The following LAMA2 variants were observed in gnomAD, a reference collection of about 807,000 sequenced individuals.
The protein encoded by LAMA2 is laminin subunit alpha-2.
Under a neutral mutation model 364.8 loss-of-function variants are expected in LAMA2, and 269 were observed. The ratio of observed to expected loss-of-function variants is 0.74; its 90% CI spans 0.67 to 0.82. The LOEUF (loss-of-function observed/expected upper bound fraction) is 0.82, where lower values mean the gene tolerates loss of function less well. Among genes scored for constraint, LAMA2 ranks in the 40% least tolerant of loss-of-function variants. The pLI is 0.00. For missense variants in LAMA2, 3,807 were observed against 3,873.2 expected (o/e 0.98, Z 0.45); for synonymous variants, 1,379 against 1,370.6 (o/e 1.01, Z -0.14).
rs186988787 is a variant in LAMA2, at chr6:129,197,683, A to T, written c.1782+4830A>T. ...TTAACCTTGCCAAATAAACCTCTAA[A>T]TTGATTGAGACCTGTTTCTGATACT... On this transcript the variant is annotated intron_variant, in intron 12 of 64. Transcript: ENST00000421865. 7.9e-5 allele frequency among the ~76,000 whole-genome samples: 12 copies of T among 152,304 alleles called. No homozygotes were observed. In the East Asian group the frequency reaches 2.1e-3, roughly 27 times the overall value.
intron 1 of LAMA2, among the ~76,000 whole-genome samples, chr6:129,024,477 A>G (rs992704335): frequency 7.5e-5 from 11 of 147,366 alleles, no homozygotes; most frequent in African/African-American, 2.8e-4. Context: ...TCTGCCTCCC[A>G]GGTTAAAACA....
chr6:129,432,371 C>T (rs913283489), intron 41 of LAMA2, among the ~76,000 whole-genome samples: 33 of 152,250 alleles, frequency 2.2e-4, no homozygotes, highest in African/African-American at 6.3e-4. Flanking sequence ...TCCCTAAGAG[C>T]GAGACGTAGC....
intron 16 of LAMA2, among the ~76,000 whole-genome samples, chr6:129,270,316 C>T (rs111494670): frequency 8.1e-4 from 101 of 124,400 alleles, no homozygotes; most frequent in African/African-American, 2.7e-3. Flanking sequence ...CACACACACA[C>T]GCAATATCAT....
intron 17 of LAMA2, among the ~76,000 whole-genome samples, chr6:129,271,504 C>G (rs370952290): frequency 7.8e-6 from 1 of 127,874 alleles, no homozygotes; most frequent in South Asian, 2.5e-4. Flanking sequence ...GAGTCTCGCT[C>G]TGTTGCCCAG....
rs1789398983 is a variant in LAMA2 at position 129,288,018 on chromosome 6, T to A, written c.2709T>A (p.Asp903Glu). The A allele has an allele frequency of 6.2e-7, 1 of 1,613,960 alleles. No homozygotes were observed. The highest frequency in any genetic ancestry group is 1.3e-5 in the African/African-American group (1 of 74,912). Residue 903 changes from aspartate to glutamate, a missense_variant, in exon 19 of 65, where the codon GAT becomes GAA. Physicochemically the swap from Asp to Glu is conservative, Grantham distance 45. Transcript: ENST00000421865. ...TTGRYCELCADGYFGDAVDAK... is the reference protein window; with the variant it reads ...TTGRYCELCAEGYFGDAVDAK... ...GCCGGTACTGTGAGCTCTGTGCTGATGGATATTTTGGAGATGCAGTTGATG... is the reference window on the plus strand; with the variant it reads ...GCCGGTACTGTGAGCTCTGTGCTGAAGGATATTTTGGAGATGCAGTTGATG...
At chr6:129,058,274 TTGGCA>T (rs1788624845) in intron 2 of LAMA2, among the ~76,000 whole-genome samples, 1 of 152,234 alleles carries the variant, frequency 6.6e-6, no homozygotes. Flanking sequence ...CAATGAGGGC[TTGGCA>T]GCCCAGGAGT....
intron 12 of LAMA2, among the ~76,000 whole-genome samples, chr6:129,241,151 T>C (rs1477001971): frequency 6.6e-6 from 1 of 152,238 alleles, no homozygotes; most frequent in Non-Finnish European, 1.5e-5. Context: ...ATCCCAGTTT[T>C]TTATGCCTTC....
Position 129,264,388 on chromosome 6 carries a change from G to T in LAMA2, c.2209-2718G>T, listed in dbSNP as rs374930676. ...GCTGAGGAATAGTTGGTGTGTGTGGGGGGGTGGGGGCATGGAATCCATAGT... is the reference window on the plus strand; with the variant it reads ...GCTGAGGAATAGTTGGTGTGTGTGGTGGGGTGGGGGCATGGAATCCATAGT... On this transcript the variant is annotated intron_variant, in intron 15 of 64. Coordinates refer to ENST00000421865, the MANE Select transcript of LAMA2 (RefSeq NM_000426.4). Among the ~76,000 whole-genome samples the T allele has an allele frequency of 2.6e-4, 40 of 152,062 alleles. 1 individual carries two copies. In the South Asian group the frequency reaches 6.9e-3, roughly 26 times the overall value.
intron 29 of LAMA2, among the ~76,000 whole-genome samples, chr6:129,341,789 A>T (rs1434934119): frequency 6.6e-6 from 1 of 152,216 alleles, no homozygotes; most frequent in Non-Finnish European, 1.5e-5. Flanking sequence ...GTCTCTTATT[A>T]TGCAAGCATA....
chr6:129,033,827 C>A (rs1282698854), intron 1 of LAMA2, among the ~76,000 whole-genome samples: 1 of 151,760 alleles, frequency 6.6e-6, no homozygotes, highest in Non-Finnish European at 1.5e-5. Context: ...TCTCCAACTG[C>A]CACCCCCTCT....
At chr6:129,381,015 A>C (rs1778654108) in intron 34 of LAMA2, among the ~76,000 whole-genome samples, 1 of 152,262 alleles carries the variant, frequency 6.6e-6, no homozygotes, top group Admixed American at 6.5e-5. Flanking sequence ...ACTTTTTAAA[A>C]TTTAGACACT....
At chr6:129,205,411 GAAA>G (rs1311377026) in intron 12 of LAMA2, among the ~76,000 whole-genome samples, 1 of 138,678 alleles carries the variant, frequency 7.2e-6, no homozygotes, top group Admixed American at 7.3e-5. Context: ...AAAGAAAAAA[GAAA>G]AAAAAATCCA....
At chr6:129,506,372 T>TAAATAA (rs1047205223) in intron 61 of LAMA2, among the ~76,000 whole-genome samples, 1 of 151,392 alleles carries the variant, frequency 6.6e-6, no homozygotes, top group Non-Finnish European at 1.5e-5. Context: ...AATAAATAAA[T>TAAATAA]AAATAAAAAT....
chr6:128,974,791 G>C (rs1222647621), intron 1 of LAMA2, among the ~76,000 whole-genome samples: 1 of 151,196 alleles, frequency 6.6e-6, no homozygotes, highest in East Asian at 1.9e-4. Context: ...TATTAACTTT[G>C]AATATCAAAA....
At chr6:128,987,682 T>G (rs1406806915) in intron 1 of LAMA2, among the ~76,000 whole-genome samples, 1 of 152,148 alleles carries the variant, frequency 6.6e-6, no homozygotes. Flanking sequence ...AAACTTAGTA[T>G]GAAGAAAAGA....
intron 62 of LAMA2, among the ~76,000 whole-genome samples, chr6:129,508,462 A>G (rs185215795): frequency 6.6e-6 from 1 of 151,516 alleles, no homozygotes; most frequent in Admixed American, 6.6e-5. Flanking sequence ...AGCAAATACT[A>G]AATCTTATTC....
At chr6:129,154,227 A>G (rs1310760440) in intron 7 of LAMA2, among the ~76,000 whole-genome samples, 1 of 152,076 alleles carries the variant, frequency 6.6e-6, no homozygotes, top group East Asian at 1.9e-4. Flanking sequence ...CCTGGCCAAC[A>G]TGGTGAAGCC....
chr6:129,304,226 T>G (rs1032590854), intron 22 of LAMA2, among the ~76,000 whole-genome samples: 2 of 152,148 alleles, frequency 1.3e-5, no homozygotes, highest in African/African-American at 4.8e-5. Context: ...TTTTGCTTAC[T>G]TTGAGTTTAA....
At chr6:129,200,497 C>CATATACATGT in intron 12 of LAMA2, among the ~76,000 whole-genome samples, 1 of 149,960 alleles carries the variant, frequency 6.7e-6, no homozygotes, top group East Asian at 2.0e-4. Flanking sequence ...TGTATGTACA[C>CATATACATGT]ATATATATGT....
Sources: gnomAD v4.1 joint callset for allele counts (sites outside exome capture counted in the v4.1 genomes callset) on GRCh38, gnomAD v4.1.1 for gene constraint, MANE v1.5 for transcripts, NCBI Gene and HGNC (gene_info 2026-07-23, HGNC 2026-07-21) for gene names.